RXYLT1: variants seen among roughly 807,000 people sequenced by gnomAD.
RXYLT1 encodes the protein ribitol xylosyltransferase 1.
A neutral mutation model predicts 43.5 loss-of-function variants in RXYLT1; 41 were observed. The ratio of observed to expected loss-of-function variants is 0.94; its 90% CI spans 0.73 to 1.22. The LOEUF is 1.22. Ranked by LOEUF, RXYLT1 falls within the 50% of genes most tolerant of loss-of-function variation. RXYLT1 has a pLI of 0.00. For synonymous variants in RXYLT1, 166 were observed against 194.4 expected, an observed-to-expected ratio of 0.85 and a Z score of 1.21; for missense variants, 514 against 532.0, an observed-to-expected ratio of 0.97 and a Z score of 0.33.
chr12:63,799,114 G>T (rs1413170051), intron 3 of RXYLT1, among the ~76,000 whole-genome samples: 1 of 152,164 alleles, frequency 6.6e-6, no homozygotes, highest in Non-Finnish European at 1.5e-5. Flanking sequence ...AACACAGGGA[G>T]TTGTGGACAT....
intron 2 of RXYLT1, among the ~76,000 whole-genome samples, chr12:63,784,338 T>C (rs562203362): frequency 7.9e-5 from 12 of 152,268 alleles, no homozygotes; most frequent in Admixed American, 7.2e-4. Flanking sequence ...GTGTATGGTC[T>C]CCATAGTGCC....
At chr12:63,795,306 G>A (rs1342744303) in intron 3 of RXYLT1, among the ~76,000 whole-genome samples, 1 of 150,774 alleles carries the variant, frequency 6.6e-6, no homozygotes, top group Non-Finnish European at 1.5e-5. Context: ...AGAAGAAGAA[G>A]AAGAAGGGCC....
chr12:63,804,937 G>A (rs978901044), intron 4 of RXYLT1: 25 of 245,802 alleles, frequency 1.0e-4, no homozygotes, highest in Non-Finnish European at 1.8e-4. Flanking sequence ...GGTTTTGAAT[G>A]TAACATGCCT....
At chr12:63,805,814 C>G (rs1898278304) in intron 5 of RXYLT1, 1 of 155,080 alleles carries the variant, frequency 6.4e-6, no homozygotes, top group African/African-American at 2.4e-5. Flanking sequence ...ACACCATCTT[C>G]AGGACATGGA....
chr12:63,783,202 C>T (rs960611458), intron 2 of RXYLT1, among the ~76,000 whole-genome samples: 6 of 152,172 alleles, frequency 3.9e-5, no homozygotes, highest in Admixed American at 1.3e-4. Context: ...GTCTCACGCC[C>T]GTAATCCCAG....
intron 3 of RXYLT1, chr12:63,785,475 G>T (rs144538483): frequency 1.4e-4 from 21 of 152,116 alleles, no homozygotes; most frequent in African/African-American, 5.1e-4. Flanking sequence ...ATATTTAGGT[G>T]ATATCAAAGC....
intron 3 of RXYLT1, chr12:63,795,607 T>C (rs959951184): frequency 4.0e-5 from 6 of 150,744 alleles, no homozygotes; most frequent in Non-Finnish European, 8.9e-5. Context: ...TATTAAAATA[T>C]AAAAGTTGGG....
Position 63,802,075 on chromosome 12 carries a change from G to A in RXYLT1, c.429-16G>A, listed in dbSNP as rs895372426. On this transcript the variant is annotated splice_polypyrimidine_tract_variant and intron_variant, in intron 3 of 5. Transcript: ENST00000261234. ...GCTTTGTTTGTCTCTTGTTTTTGTT[G>A]TGTTGTTTTTAACAGCTTCATCACT... is the stretch of plus-strand genomic sequence containing the variant. 3 of 1,556,038 alleles carry A rather than the reference G, an allele frequency of 1.9e-6. No homozygotes were observed. The highest frequency in any genetic ancestry group is 2.5e-5 in the South Asian group (2 of 81,380).
At chr12:63,799,378 C>T (rs1898108638) in intron 3 of RXYLT1, among the ~76,000 whole-genome samples, 1 of 142,182 alleles carries the variant, frequency 7.0e-6, no homozygotes, top group Non-Finnish European at 1.5e-5. Context: ...GATCTCAGCT[C>T]ACTGCAGCCT....
chr12:63,787,868 G>C (rs116385788), intron 3 of RXYLT1, among the ~76,000 whole-genome samples: 1,606 of 152,294 alleles, frequency 0.011, 33 homozygotes, highest in African/African-American at 0.037. Flanking sequence ...GTCCCCAAGT[G>C]ATCCACCCGC....
chr12:63,802,047 C>T, intron 3 of RXYLT1, 44 bp from the exon 4 acceptor site: 1 of 1,507,434 alleles, frequency 6.6e-7, no homozygotes, highest in Admixed American at 2.1e-5. Context: ...TACCTTTGTT[C>T]AGGCTTTGTT....
chr12:63,786,647 G>T (rs988675210), intron 3 of RXYLT1, among the ~76,000 whole-genome samples: 1 of 152,160 alleles, frequency 6.6e-6, no homozygotes, highest in Non-Finnish European at 1.5e-5. Flanking sequence ...TCAGTGTATT[G>T]ATGACTAATC....
chr12:63,800,157 A>C (rs1898128020), intron 3 of RXYLT1, among the ~76,000 whole-genome samples: 1 of 152,188 alleles, frequency 6.6e-6, no homozygotes, highest in Admixed American at 6.5e-5. Flanking sequence ...GTTATGGAAA[A>C]ACTTAAGCTC....
At chr12:63,784,014 A>C (rs1386312130) in intron 2 of RXYLT1, among the ~76,000 whole-genome samples, 1 of 152,060 alleles carries the variant, frequency 6.6e-6, no homozygotes, top group Non-Finnish European at 1.5e-5. Flanking sequence ...CCCTTGTGTG[A>C]GGACTCTTGA....
Position 63,808,663 on chromosome 12 carries a change from C to A in RXYLT1, c.915-12C>A, listed in dbSNP as rs1898367717. ...TAAAGTGAAAACTACAGTTGTTTTT[C>A]TGATTTTCTAGCTGGCAGCCTCAGG... On this transcript the variant is annotated splice_polypyrimidine_tract_variant and intron_variant, in intron 5 of 5. Transcript: ENST00000261234. The A allele has an allele frequency of 6.3e-7, 1 of 1,589,790 alleles. No individual in the cohort carries two copies. The highest frequency in any genetic ancestry group is 2.0e-5 in the Admixed American group (1 of 50,938).
rs759632078 is a variant in RXYLT1, at chr12:63,808,863, AC to A, written c.1105del (p.His369ThrfsTer28). 18 of 1,614,174 alleles carry A rather than the reference AC, an allele frequency of 1.1e-5. No homozygotes were observed. In the Admixed American group the frequency reaches 2.3e-4, roughly 21 times the overall value. ...GGCAACTGTGGGAATACATCTGTGCACCACGGTGCTCCTCTGCAGTTACTCA... is the reference window on the plus strand; with the variant it reads ...GGCAACTGTGGGAATACATCTGTGCACACGGTGCTCCTCTGCAGTTACTCA... Reference protein sequence around the residue: ...TAGNCGNTSVHHGAPLQLLKS... With the variant: ...TAGNCGNTSVXHGAPLQLLKS... On this transcript the variant is annotated frameshift_variant, in exon 6 of 6. Transcript: ENST00000261234. LOFTEE classifies it high-confidence loss of function.
intron 4 of RXYLT1, among the ~76,000 whole-genome samples, chr12:63,803,216 T>C (rs920072574): frequency 2.4e-5 from 3 of 127,040 alleles, no homozygotes; most frequent in African/African-American, 5.9e-5. Flanking sequence ...AAAAAAGATA[T>C]AGTCTTTCTC....
intron 4 of RXYLT1, chr12:63,804,997 C>CT (rs1898253753): frequency 1.8e-5 from 7 of 386,136 alleles, no homozygotes; most frequent in Non-Finnish European, 2.7e-5. Flanking sequence ...AAACAAATAA[C>CT]TTTAGGCACA....
At chr12:63,781,895 A>G (rs996042870) in intron 2 of RXYLT1, among the ~76,000 whole-genome samples, 1 of 152,230 alleles carries the variant, frequency 6.6e-6, no homozygotes, top group African/African-American at 2.4e-5. Flanking sequence ...TGTACAGAGC[A>G]TAGTGCTCTG....
Sources: gnomAD v4.1 joint callset for allele counts (sites outside exome capture counted in the v4.1 genomes callset) on GRCh38, gnomAD v4.1.1 for gene constraint, MANE v1.5 for transcripts, NCBI Gene and HGNC (gene_info 2026-07-23, HGNC 2026-07-21) for gene names.